Variants in UNC5D observed in about 807,000 individuals in gnomAD.
UNC5D encodes unc-5 netrin receptor D.
UNC5D carries 39 observed loss-of-function variants against 105.4 expected under a neutral mutation model. The ratio of observed to expected loss-of-function variants is 0.37; its 90% confidence interval spans 0.29 to 0.48. The LOEUF is 0.48. UNC5D is among the 20% of genes least tolerant of loss of function. The pLI is 0.98. For synonymous variants in UNC5D, 452 were observed against 450.4 expected (o/e 1.00, Z -0.04); for missense variants, 991 against 1,202.4 (o/e 0.82, Z 2.60).
intron 1 of UNC5D, among the ~76,000 whole-genome samples, chr8:35,515,264 A>G (rs541081532): frequency 6.6e-6 from 1 of 152,358 alleles, no homozygotes; most frequent in East Asian, 1.9e-4. Flanking sequence ...AAACAGCATT[A>G]GTGCATGGGT....
intron 11 of UNC5D, among the ~76,000 whole-genome samples, chr8:35,739,911 C>T (rs1829671080): frequency 6.6e-6 from 1 of 152,196 alleles, no homozygotes; most frequent in African/African-American, 2.4e-5. Flanking sequence ...GACAATCAAC[C>T]TTCTATTCCC....
chr8:35,604,069 A>C (rs1248199265), intron 4 of UNC5D, among the ~76,000 whole-genome samples: 2 of 152,124 alleles, frequency 1.3e-5, no homozygotes, highest in African/African-American at 4.8e-5. Flanking sequence ...GTTATGTGTG[A>C]ATTTGATCCT....
At chr8:35,662,205 C>T (rs889253372) in intron 4 of UNC5D, among the ~76,000 whole-genome samples, 1 of 118,184 alleles carries the variant, frequency 8.5e-6, no homozygotes, top group East Asian at 2.6e-4. Context: ...AAAAAAAAAA[C>T]TGTGCGTAGT....
rs566548666 is a variant in UNC5D at position 35,418,800 on chromosome 8, C to A, written c.104-130492C>A. On this transcript the variant is annotated intron_variant, in intron 1 of 16. Transcript: ENST00000404895. ...ACTCGTTCCTCTGTTTCTCCAGTGA[C>A]TTAAAGGTGTGTCAAAAATTGTTTA... Among the ~76,000 whole-genome samples, 92 of 152,272 alleles carry A rather than the reference C, an allele frequency of 6.0e-4. 4 individuals are homozygous for A. In the South Asian group the frequency reaches 0.018, roughly 30 times the overall value.
chr8:35,667,998 T>G (rs1190358434), intron 4 of UNC5D, among the ~76,000 whole-genome samples: 2 of 152,150 alleles, frequency 1.3e-5, no homozygotes, highest in Non-Finnish European at 2.9e-5. Context: ...TAGAAACATT[T>G]TCAGTTTTGA....
intron 1 of UNC5D, among the ~76,000 whole-genome samples, chr8:35,434,982 C>G (rs1806913064): frequency 6.6e-6 from 1 of 152,034 alleles, no homozygotes; most frequent in Non-Finnish European, 1.5e-5. Flanking sequence ...GCCATATCTT[C>G]ATCTGTGCAC....
chr8:35,718,858 C>T (rs1403286789), intron 8 of UNC5D, among the ~76,000 whole-genome samples: 1 of 152,082 alleles, frequency 6.6e-6, no homozygotes, highest in African/African-American at 2.4e-5. Context: ...CTGACCACTA[C>T]ATACGGCCTT....
chr8:35,653,065 G>A (rs1440634976), intron 4 of UNC5D, among the ~76,000 whole-genome samples: 5 of 151,784 alleles, frequency 3.3e-5, no homozygotes, highest in Non-Finnish European at 1.5e-5. Flanking sequence ...GCGTAGCTGG[G>A]AATACAGGCA....
intron 1 of UNC5D, among the ~76,000 whole-genome samples, chr8:35,317,822 A>C (rs1282477321): frequency 6.6e-6 from 1 of 152,124 alleles, no homozygotes; most frequent in African/African-American, 2.4e-5. Context: ...TGCCATTTTC[A>C]CTGTAGGACT....
chr8:35,650,537 G>A (rs539514966), intron 4 of UNC5D, among the ~76,000 whole-genome samples: 110 of 152,070 alleles, frequency 7.2e-4, no homozygotes, highest in African/African-American at 1.6e-3. Flanking sequence ...GTGCGATCTC[G>A]GCTCACTGCA....
At chr8:35,572,627 A>G (rs1183895085) in intron 3 of UNC5D, among the ~76,000 whole-genome samples, 2 of 152,170 alleles carry the variant, frequency 1.3e-5, no homozygotes, top group Non-Finnish European at 2.9e-5. Flanking sequence ...CTAGAAAGGC[A>G]TGTTTGTATC....
chr8:35,787,618 G>T (rs896243235), intron 16 of UNC5D, among the ~76,000 whole-genome samples: 1 of 151,972 alleles, frequency 6.6e-6, no homozygotes, highest in Non-Finnish European at 1.5e-5. Context: ...CGGTTTTTTT[G>T]TTTGTTTGTC....
At chr8:35,697,431 C>T (rs936187567) in intron 7 of UNC5D, among the ~76,000 whole-genome samples, 3 of 151,062 alleles carry the variant, frequency 2.0e-5, no homozygotes, top group Non-Finnish European at 4.4e-5. Context: ...GTGGCTGTTA[C>T]GTAAGGTGAC....
chr8:35,293,843 A>T (rs1381729549), intron 1 of UNC5D, among the ~76,000 whole-genome samples: 1 of 152,216 alleles, frequency 6.6e-6, no homozygotes, highest in East Asian at 1.9e-4. Context: ...ATAGGGTACC[A>T]TGTGTAATGA....
chr8:35,485,006 A>C (rs1585951009), intron 1 of UNC5D, among the ~76,000 whole-genome samples: 1 of 152,186 alleles, frequency 6.6e-6, no homozygotes, highest in Admixed American at 6.5e-5. Flanking sequence ...TTCTTTTAAA[A>C]ATTGTTTTAT....
chr8:35,539,301 A>G (rs1815097406), intron 1 of UNC5D, among the ~76,000 whole-genome samples: 1 of 152,178 alleles, frequency 6.6e-6, no homozygotes, highest in Non-Finnish European at 1.5e-5. Flanking sequence ...ATAATTTAGT[A>G]TAAACCATAA....
At chr8:35,473,696 G>A (rs1809894386) in intron 1 of UNC5D, among the ~76,000 whole-genome samples, 1 of 152,096 alleles carries the variant, frequency 6.6e-6, no homozygotes, top group Non-Finnish European at 1.5e-5. Flanking sequence ...CATTTGTTTT[G>A]AGGCATTAAG....
At chr8:35,236,970 T>C (rs1802512869) in intron 1 of UNC5D, among the ~76,000 whole-genome samples, 1 of 152,114 alleles carries the variant, frequency 6.6e-6, no homozygotes, top group Admixed American at 6.5e-5. Flanking sequence ...TTCGGTCTCC[T>C]GAACATGCTC....
At chr8:35,453,105 A>T (rs897627180) in intron 1 of UNC5D, among the ~76,000 whole-genome samples, 1 of 152,162 alleles carries the variant, frequency 6.6e-6, no homozygotes, top group Non-Finnish European at 1.5e-5. Flanking sequence ...AATGCCCAAT[A>T]TCTTCACTGG....
Sources: allele counts gnomAD v4.1 joint callset (sites outside exome capture counted in the v4.1 genomes callset), GRCh38; gene constraint gnomAD v4.1.1; transcripts MANE v1.5; gene names NCBI Gene and HGNC (gene_info 2026-07-23, HGNC 2026-07-21).